ASIC2: variants seen among roughly 807,000 people sequenced by gnomAD.
ASIC2 encodes acid sensing ion channel subunit 2.
Under a neutral mutation model 57.3 loss-of-function variants are expected in ASIC2, and 25 were observed. The observed-to-expected ratio is 0.44, with a 90% CI of 0.32 to 0.61. The LOEUF is 0.61. Ranked by LOEUF, ASIC2 falls within the 20% of genes least tolerant of loss-of-function variation. The pLI is 0.06. For missense variants in ASIC2, 641 were observed against 738.1 expected, an observed-to-expected ratio of 0.87 and a Z score of 1.52; for synonymous variants, 319 against 307.5, an observed-to-expected ratio of 1.04 and a Z score of -0.39.
intron 1 of ASIC2, among the ~76,000 whole-genome samples, chr17:33,532,719 G>A (rs1174890191): frequency 1.3e-5 from 2 of 152,148 alleles, no homozygotes; most frequent in East Asian, 1.9e-4. Flanking sequence ...ATCTTTTCAC[G>A]AGATGATTGT....
intron 1 of ASIC2, among the ~76,000 whole-genome samples, chr17:33,647,069 C>A (rs187761554): frequency 6.6e-6 from 1 of 152,110 alleles, no homozygotes; most frequent in South Asian, 2.1e-4. Flanking sequence ...AGTTGATGCC[C>A]ACAGCCCTGT....
At chr17:33,935,610 C>T (rs1333759007) in intron 1 of ASIC2, 1 of 152,180 alleles carries the variant, frequency 6.6e-6, no homozygotes, top group East Asian at 1.9e-4. Context: ...AGAAAGATCT[C>T]ATTTAATCTC....
At chr17:33,613,188 C>A (rs1905469279) in intron 1 of ASIC2, among the ~76,000 whole-genome samples, 1 of 152,072 alleles carries the variant, frequency 6.6e-6, no homozygotes, top group Non-Finnish European at 1.5e-5. Flanking sequence ...TCCCGGATAA[C>A]CCCTGCTTTC....
intron 1 of ASIC2, among the ~76,000 whole-genome samples, chr17:33,590,288 C>G (rs1239119461): frequency 1.3e-5 from 2 of 152,150 alleles, no homozygotes; most frequent in Admixed American, 6.5e-5. Flanking sequence ...GTGCTTTATA[C>G]CTTTTAAGGC....
At chr17:33,463,231 A>T (rs1183320047) in intron 1 of ASIC2, among the ~76,000 whole-genome samples, 1 of 152,112 alleles carries the variant, frequency 6.6e-6, no homozygotes, top group African/African-American at 2.4e-5. Flanking sequence ...AAACCAATGG[A>T]GTAGGTTAGT....
At chr17:33,121,077 G>T (rs2092300581) in intron 1 of ASIC2, among the ~76,000 whole-genome samples, 1 of 152,218 alleles carries the variant, frequency 6.6e-6, no homozygotes, top group South Asian at 2.1e-4. Context: ...AAAGTTCTCT[G>T]TAGAAAAACA....
intron 1 of ASIC2, among the ~76,000 whole-genome samples, chr17:33,556,397 A>G (rs1415687442): frequency 6.6e-6 from 1 of 152,234 alleles, no homozygotes; most frequent in Admixed American, 6.5e-5. Flanking sequence ...CTTGAGAATG[A>G]CAGCACGTGG....
At chr17:34,083,221 G>A (rs1909965899) in intron 1 of ASIC2, among the ~76,000 whole-genome samples, 1 of 135,758 alleles carries the variant, frequency 7.4e-6, no homozygotes, top group Non-Finnish European at 1.5e-5. Context: ...CCCTTCCTGT[G>A]TCCATATGTT....
intron 1 of ASIC2, among the ~76,000 whole-genome samples, chr17:33,343,623 T>C (rs1159170710): frequency 6.6e-6 from 1 of 152,198 alleles, no homozygotes; most frequent in Non-Finnish European, 1.5e-5. Context: ...TGGGTTGACA[T>C]GGCTTTGGGT....
intron 1 of ASIC2, among the ~76,000 whole-genome samples, chr17:33,876,293 A>C (rs1404365990): frequency 1.3e-5 from 2 of 152,172 alleles, no homozygotes; most frequent in Non-Finnish European, 2.9e-5. Flanking sequence ...TCTTAGTGTC[A>C]CCCACATGGA....
intron 1 of ASIC2, among the ~76,000 whole-genome samples, chr17:33,464,476 T>TTC: frequency 1.4e-5 from 1 of 71,962 alleles, no homozygotes; most frequent in East Asian, 3.7e-4. Context: ...TCTTTCTTTC[T>TTC]TTTCTCTCTT....
chr17:33,718,223 T>C (rs1339787296), intron 1 of ASIC2, among the ~76,000 whole-genome samples: 1 of 152,210 alleles, frequency 6.6e-6, no homozygotes, highest in African/African-American at 2.4e-5. Context: ...AAATGGTTGT[T>C]AGACTGTAAT....
intron 1 of ASIC2, among the ~76,000 whole-genome samples, chr17:33,992,215 G>A (rs1055783197): frequency 3.9e-5 from 6 of 152,204 alleles, no homozygotes; most frequent in African/African-American, 1.4e-4. Context: ...ACGCTGCATA[G>A]ACTAAGTAAA....
At chr17:33,383,106 C>T (rs1373113398) in intron 1 of ASIC2, among the ~76,000 whole-genome samples, 1 of 152,168 alleles carries the variant, frequency 6.6e-6, no homozygotes, top group Non-Finnish European at 1.5e-5. Context: ...CAAGACCTAC[C>T]TCAGATGTCA....
chr17:33,053,387 T>C (rs1360733588), intron 3 of ASIC2, among the ~76,000 whole-genome samples: 1 of 152,230 alleles, frequency 6.6e-6, no homozygotes, highest in African/African-American at 2.4e-5. Flanking sequence ...TGAAAAATTA[T>C]TCTTTTTGGG....
chr17:33,742,892 A>C (rs1157885972), intron 1 of ASIC2, among the ~76,000 whole-genome samples: 2 of 152,206 alleles, frequency 1.3e-5, no homozygotes, highest in African/African-American at 4.8e-5. Context: ...GGCCTGGCCG[A>C]GATAAACATT....
intron 1 of ASIC2, among the ~76,000 whole-genome samples, chr17:33,452,623 T>C (rs1484876051): frequency 1.3e-5 from 2 of 152,154 alleles, no homozygotes; most frequent in African/African-American, 4.8e-5. Context: ...GACTTTTTAG[T>C]GCTTTGCATA....
chr17:33,316,200 T>C (rs966220903), intron 1 of ASIC2, among the ~76,000 whole-genome samples: 3 of 152,214 alleles, frequency 2.0e-5, no homozygotes, highest in African/African-American at 7.2e-5. Context: ...TACTCTCTAA[T>C]CCTCCACTGG....
intron 1 of ASIC2, among the ~76,000 whole-genome samples, chr17:33,749,675 A>G (rs1910370528): frequency 6.6e-6 from 1 of 151,926 alleles, no homozygotes; most frequent in Non-Finnish European, 1.5e-5. Context: ...GGAGGAGAGG[A>G]CGACTGCCTC....
Sources: allele counts gnomAD v4.1 joint callset (sites outside exome capture counted in the v4.1 genomes callset), GRCh38; gene constraint gnomAD v4.1.1; transcripts MANE v1.5; gene names NCBI Gene and HGNC (gene_info 2026-07-23, HGNC 2026-07-21).